The following SLC37A1 variants were observed in gnomAD, a reference collection of about 807,000 sequenced individuals.
The protein encoded by SLC37A1 is solute carrier family 37 member 1, also known as glucose-6-phosphate exchanger SLC37A1.
SLC37A1 carries 49 observed loss-of-function variants against 75.3 expected under a neutral mutation model. That is an observed-to-expected ratio of 0.65 (90% CI 0.52 to 0.83). The LOEUF (loss-of-function observed/expected upper bound fraction) is 0.83. Ranked by LOEUF, SLC37A1 falls within the 40% of genes least tolerant of loss-of-function variation. SLC37A1 has a pLI of 0.00. For synonymous variants in SLC37A1, 268 were observed against 292.1 expected (o/e 0.92, Z 0.84); for missense variants, 566 against 695.0 (o/e 0.81, Z 2.09).
chr21:42,547,015 C>G lies in SLC37A1; in HGVS notation c.731-88C>G. 1 of 1,492,732 alleles carries G rather than the reference C, an allele frequency of 6.7e-7. No homozygotes were observed. The highest frequency in any genetic ancestry group is 1.1e-5 in the South Asian group (1 of 88,022). 92.5% of individuals were successfully genotyped at this position (1,492,732 alleles called of 1,614,324 possible). On this transcript the variant is annotated intron_variant, in intron 8 of 19. Coordinates refer to ENST00000352133, the MANE Select transcript of SLC37A1 (RefSeq NM_001320537.2). This position sits in a 1 kb window ranked among gnomAD's most constrained non-coding sequence, Gnocchi z 6.1. ...AGTCCAGTTTCACACCCGGTGCTCCCGTGTTGCCCTGTCCTCGGGTTACGT... is the reference window on the plus strand; with the variant it reads ...AGTCCAGTTTCACACCCGGTGCTCCGGTGTTGCCCTGTCCTCGGGTTACGT...
At chr21:42,533,962 T>C (rs1204428386) in intron 3 of SLC37A1, among the ~76,000 whole-genome samples, 1 of 152,204 alleles carries the variant, frequency 6.6e-6, no homozygotes, top group African/African-American at 2.4e-5. Context: ...GGGATATTTT[T>C]AAATTGAGGT....
Position 42,547,231 on chromosome 21 carries a change from A to C in SLC37A1, c.768+91A>C. The C allele has an allele frequency of 1.4e-6, 2 of 1,392,194 alleles. No individual in the cohort carries two copies. The highest frequency in any genetic ancestry group is 2.0e-6 in the Non-Finnish European group (2 of 979,258). 86.2% of individuals were successfully genotyped at this position (1,392,194 alleles called of 1,614,324 possible). A position where few individuals can be genotyped will look rare whatever the true frequency, so the allele number is the denominator to read the frequency against. ...CTCCTGCCTGTGCGGTGTCAGACAG[A>C]AACACACAGGGTAGACAGAAGTCCC... On this transcript the variant is annotated intron_variant, in intron 9 of 19. Transcript: ENST00000352133. The surrounding 1 kb of genome is among the most constrained non-coding windows in gnomAD (Gnocchi z 6.1).
rs1222360272 is a variant in SLC37A1 at position 42,548,984 on chromosome 21, T to C, written c.768+1844T>C. Among the ~76,000 whole-genome samples, 1 of 152,214 alleles carries C rather than the reference T, an allele frequency of 6.6e-6. No individual in the cohort carries two copies. On this transcript the variant is annotated intron_variant, in intron 9 of 19. Transcript: ENST00000352133. This position sits in a 1 kb window ranked among gnomAD's most constrained non-coding sequence, Gnocchi z 5.6. ...CAAAAACAAAGAAACAAAATGAAGT[T>C]TGAAAACCAGTGCCTTCAGGAAGGT...
rs990488888 is a variant in SLC37A1 at position 42,552,849 on chromosome 21, G to A, written c.769-1213G>A. On this transcript the variant is annotated intron_variant, in intron 9 of 19. Coordinates refer to ENST00000352133, the MANE Select transcript of SLC37A1 (RefSeq NM_001320537.2). This position sits in a 1 kb window ranked among gnomAD's most constrained non-coding sequence, Gnocchi z 4.2. ...CCTCTGCTCACTGCGGGGGACGGGG[G>A]GCCGAGTGCTGGGGAGCAGGAACCC... is the stretch of plus-strand genomic sequence containing the variant. 2.6e-5 allele frequency among the ~76,000 whole-genome samples: 4 copies of A among 152,334 alleles called. No individual in the cohort carries two copies. The highest frequency in any genetic ancestry group is 6.8e-3 in the Middle Eastern group (2 of 294).
At chr21:42,518,553 A>T (rs2054567813) in intron 2 of SLC37A1, 43 bp downstream of exon 2, 4 of 1,607,664 alleles carry the variant, frequency 2.5e-6, no homozygotes, top group Non-Finnish European at 3.4e-6. Flanking sequence ...AGCTGTGTAT[A>T]GGTGAGGGCT....
rs1207151727 is a variant in SLC37A1 at position 42,574,855 on chromosome 21, C to T, written c.1461C>T (p.Ser487=). ...GCCCCCTGCTGGCTGGGCTCCTCTC[C>T]CCGTCCGGCTGGAGCAATGTGTTTT... ...ALGPLLAGLL[S]PSGWSNVFYM... Residue 487 remains serine, a synonymous_variant, in exon 18 of 20, where the codon TCC becomes TCT. Coordinates refer to ENST00000352133, the MANE Select transcript of SLC37A1 (RefSeq NM_001320537.2). 1.9e-6 allele frequency: 3 copies of T among 1,614,162 alleles called. No individual in the cohort carries two copies. In the East Asian group the frequency reaches 6.7e-5, roughly 36 times the overall value.
In SLC37A1 at chr21:42,575,703, G is replaced by A. The variant is rs984154528; in HGVS notation, c.1521+788G>A. On this transcript the variant is annotated intron_variant, in intron 18 of 19. Coordinates refer to ENST00000352133, the MANE Select transcript of SLC37A1 (RefSeq NM_001320537.2). ...ACCTTAGGCTGATCCCAATAAAAAT[G>A]AGTTGAGAATTTCAGAAATATCAAC... The A allele has an allele frequency of 9.1e-6, 9 of 985,302 alleles. No individual in the cohort carries two copies. In the African/African-American group the frequency reaches 1.6e-4, roughly 17 times the overall value. The allele number at this position is 985,302 out of a possible 1,614,324, so 61.0% of individuals were successfully genotyped here.
chr21:42,508,968 T>C (rs1273971965), upstream of SLC37A1, among the ~76,000 whole-genome samples: 1 of 152,214 alleles, frequency 6.6e-6, no homozygotes, highest in Non-Finnish European at 1.5e-5. Flanking sequence ...AATTCAAGTA[T>C]CACAGTGTCT....
intron 1 of SLC37A1, among the ~76,000 whole-genome samples, chr21:42,517,431 C>T (rs1305496193): frequency 3.3e-5 from 5 of 152,186 alleles, no homozygotes; most frequent in African/African-American, 1.2e-4. Context: ...GACGAAAGCT[C>T]AGCAGGGATT....
chr21:42,563,837 G>C lies in SLC37A1; in HGVS notation c.1095G>C (p.Ala365=), dbSNP rs138180562. 6.2e-7 allele frequency: 1 copy of C among 1,614,166 alleles called. No individual in the cohort carries two copies. Among genetic ancestry groups the C allele is most frequent in the Non-Finnish European group, 8.5e-7 (1 of 1,180,020 alleles). The change falls in exon 13 of 20, where the codon GCG becomes GCC. Residue 365 remains alanine (A), a synonymous_variant. Coordinates refer to ENST00000352133, the MANE Select transcript of SLC37A1 (RefSeq NM_001320537.2). Reference sequence around the variant, plus strand: ...TAGATCACCTTGATGCCAAAAAGGCGGGGGAGCTCTCCACCCTGTTTGACG... The same window carrying C: ...TAGATCACCTTGATGCCAAAAAGGCCGGGGAGCTCTCCACCCTGTTTGACG... ...TNVDHLDAKK[A]GELSTLFDVG...
In SLC37A1 at chr21:42,550,055, A is replaced by C. The variant is rs190192631; in HGVS notation, c.768+2915A>C. Reference sequence around the variant, plus strand: ...TCATCTTAATATTTTGTCTCTGACTACTTCAGTATGTTTCCAAAATATAAG... The same window carrying C: ...TCATCTTAATATTTTGTCTCTGACTCCTTCAGTATGTTTCCAAAATATAAG... On this transcript the variant is annotated intron_variant, in intron 9 of 19. Coordinates refer to ENST00000352133, the MANE Select transcript of SLC37A1 (RefSeq NM_001320537.2). 5.6e-3 allele frequency among the ~76,000 whole-genome samples: 850 copies of C among 152,340 alleles called. 8 individuals carry two copies. Among genetic ancestry groups the C allele is most frequent in the African/African-American group, 0.019 (789 of 41,570 alleles).
intron 1 of SLC37A1, chr21:42,502,157 G>T (rs1188350047): frequency 1.3e-5 from 2 of 152,082 alleles, no homozygotes; most frequent in African/African-American, 4.8e-5. Flanking sequence ...ACATATTCAC[G>T]TATGCCAGCA....
Position 42,577,085 on chromosome 21 carries a change from C to T in SLC37A1, c.1521+2170C>T, listed in dbSNP as rs534062620. On this transcript the variant is annotated intron_variant, in intron 18 of 19. Transcript: ENST00000352133. ...TTCTGTACCTAGATAAACTTGCACA[C>T]AAGAGTAAGGGTGAAGTGAAAACAT... 3.3e-5 allele frequency among the ~76,000 whole-genome samples: 5 copies of T among 152,260 alleles called. No individual in the cohort carries two copies. The South Asian group carries it at 1.0e-3, about 32-fold the overall frequency.
chr21:42,504,959 C>T (rs2054371018), intron 2 of SLC37A1, among the ~76,000 whole-genome samples: 1 of 152,104 alleles, frequency 6.6e-6, no homozygotes, highest in East Asian at 1.9e-4. Flanking sequence ...CCTGGAGAGT[C>T]TTCCTTCCAA....
intron 9 of SLC37A1, among the ~76,000 whole-genome samples, chr21:42,553,598 C>A (rs1386105377): frequency 6.6e-6 from 1 of 151,962 alleles, no homozygotes; most frequent in Non-Finnish European, 1.5e-5. Flanking sequence ...CTTCCACCTC[C>A]CTGCCCTCTA....
intron 5 of SLC37A1, among the ~76,000 whole-genome samples, chr21:42,538,690 G>A (rs1224376177): frequency 3.3e-5 from 5 of 152,206 alleles, no homozygotes; most frequent in African/African-American, 9.7e-5. Flanking sequence ...AGTAAGGGAT[G>A]TTTTGGATGG....
intron 1 of SLC37A1, among the ~76,000 whole-genome samples, chr21:42,517,786 C>T (rs562717583): frequency 6.6e-6 from 1 of 152,218 alleles, no homozygotes; most frequent in Non-Finnish European, 1.5e-5. Flanking sequence ...CCTTTGGATT[C>T]AAATGGCAAA....
In SLC37A1 at chr21:42,558,039, T is replaced by G. The variant is rs142595043; in HGVS notation, c.850-919T>G. The stretch of plus-strand genomic sequence containing the variant: ...TCACTGCAGCCTCCACCTCCTGGGC[T>G]CAGGTGATCCTCCTGCCTCAGCCTC... On this transcript the variant is annotated intron_variant, in intron 10 of 19. Coordinates refer to ENST00000352133, the MANE Select transcript of SLC37A1 (RefSeq NM_001320537.2). Among the ~76,000 whole-genome samples the G allele has an allele frequency of 5.3e-3, 808 of 152,284 alleles. 4 individuals are homozygous for G. Among genetic ancestry groups the G allele is most frequent in the Non-Finnish European group, 8.4e-3 (573 of 68,028 alleles).
upstream of SLC37A1, among the ~76,000 whole-genome samples, chr21:42,513,332 T>C (rs1434218070): frequency 6.6e-6 from 1 of 152,252 alleles, no homozygotes; most frequent in East Asian, 1.9e-4. Context: ...GGGACACAAG[T>C]TGGCTTACAA....
Sources: allele counts gnomAD v4.1 joint callset (sites outside exome capture counted in the v4.1 genomes callset), GRCh38; gene constraint gnomAD v4.1.1; non-coding constraint Gnocchi (gnomAD v3.1); transcripts MANE v1.5; gene names NCBI Gene and HGNC (gene_info 2026-07-23, HGNC 2026-07-21).